The following ATRNL1 variants were observed in gnomAD, a reference collection of about 807,000 sequenced individuals.
The protein encoded by ATRNL1 is attractin-like protein 1.
Under a neutral mutation model 182.7 loss-of-function variants are expected in ATRNL1, and 95 were observed. The ratio of observed to expected loss-of-function variants is 0.52; its 90% CI spans 0.44 to 0.62. The LOEUF is 0.62. Among genes scored for constraint, ATRNL1 ranks in the 20% least tolerant of loss-of-function variants. The pLI is 0.00. For missense variants in ATRNL1, 1,471 were observed against 1,679.5 expected, an observed-to-expected ratio of 0.88 and a Z score of 2.17; for synonymous variants, 576 against 568.3, an observed-to-expected ratio of 1.01 and a Z score of -0.19.
intron 26 of ATRNL1, among the ~76,000 whole-genome samples, chr10:115,554,730 T>A (rs1253756879): frequency 6.6e-6 from 1 of 151,594 alleles, no homozygotes; most frequent in Admixed American, 6.6e-5. Flanking sequence ...GGAAGTCAGA[T>A]TAGTAATGGA....
At chr10:115,928,497 T>C (rs1344934093) in intron 28 of ATRNL1, among the ~76,000 whole-genome samples, 1 of 152,062 alleles carries the variant, frequency 6.6e-6, no homozygotes, top group African/African-American at 2.4e-5. Flanking sequence ...TAATTGTCTA[T>C]AGTGAAGCTT....
At chr10:115,164,763 C>A (rs2144037528) in intron 6 of ATRNL1, among the ~76,000 whole-genome samples, 1 of 152,068 alleles carries the variant, frequency 6.6e-6, no homozygotes, top group Non-Finnish European at 1.5e-5. Context: ...AATGTCAGAG[C>A]TATAAAAGTT....
At chr10:115,740,812 A>C (rs1023858885) in intron 27 of ATRNL1, among the ~76,000 whole-genome samples, 3 of 150,400 alleles carry the variant, frequency 2.0e-5, no homozygotes, top group Non-Finnish European at 2.9e-5. Flanking sequence ...GGCCAATCCT[A>C]TCTCTTTAAA....
intron 7 of ATRNL1, 73 bp downstream of exon 7, chr10:115,165,718 A>C: frequency 1.3e-6 from 1 of 741,920 alleles, no homozygotes; most frequent in Admixed American, 2.6e-5. Context: ...AAAATACTAA[A>C]TCTCAGATTT....
At chr10:115,164,154 G>T (rs1846928884) in intron 6 of ATRNL1, among the ~76,000 whole-genome samples, 1 of 152,050 alleles carries the variant, frequency 6.6e-6, no homozygotes, top group African/African-American at 2.4e-5. Flanking sequence ...ATAAGCATTT[G>T]GGATTTATAA....
At chr10:115,303,651 A>G (rs1231745966) in intron 17 of ATRNL1, among the ~76,000 whole-genome samples, 1 of 152,204 alleles carries the variant, frequency 6.6e-6, no homozygotes, top group Non-Finnish European at 1.5e-5. Context: ...CTTCTTCTCA[A>G]CATCTGAGTG....
At chr10:115,096,556 G>T in intron 1 of ATRNL1, 1 of 702,672 alleles carries the variant, frequency 1.4e-6, no homozygotes, top group Middle Eastern at 2.9e-4. Context: ...CTTACAAACA[G>T]ACATTAAAAA....
intron 24 of ATRNL1, among the ~76,000 whole-genome samples, chr10:115,484,119 C>CT (rs5788104): frequency 7.6e-4 from 113 of 148,154 alleles, no homozygotes; most frequent in African/African-American, 2.4e-3. Context: ...TTCTGATTAT[C>CT]TTTTTTTTTT....
intron 27 of ATRNL1, chr10:115,820,613 A>C (rs1283409204): frequency 2.6e-5 from 4 of 152,118 alleles, no homozygotes; most frequent in Admixed American, 2.0e-4. Context: ...GTCAGAGGCA[A>C]AGGGCTCTGG....
chr10:115,854,407 A>G (rs1951130491), intron 28 of ATRNL1, among the ~76,000 whole-genome samples: 1 of 152,256 alleles, frequency 6.6e-6, no homozygotes. Context: ...GGCGATGGCT[A>G]TAGAGCACCT....
intron 27 of ATRNL1, 56 bp downstream of exon 27, chr10:115,727,411 C>T: frequency 1.6e-6 from 2 of 1,280,004 alleles, no homozygotes; most frequent in Admixed American, 1.9e-5. Context: ...TATTATATTG[C>T]TTCTCTAATC....
intron 26 of ATRNL1, among the ~76,000 whole-genome samples, chr10:115,676,325 A>G (rs186613017): frequency 1.6e-4 from 24 of 152,196 alleles, no homozygotes; most frequent in Admixed American, 1.0e-3. Flanking sequence ...TTAACTCATT[A>G]AAGAAAACAG....
intron 17 of ATRNL1, 51 bp downstream of exon 17, chr10:115,302,094 T>G: frequency 7.1e-7 from 1 of 1,410,758 alleles, no homozygotes; most frequent in Non-Finnish European, 9.6e-7. Context: ...GTAAATTTAC[T>G]TTTCTGTGAT....
intron 27 of ATRNL1, among the ~76,000 whole-genome samples, chr10:115,772,544 A>G (rs1949017028): frequency 1.3e-5 from 2 of 151,232 alleles, no homozygotes; most frequent in Non-Finnish European, 2.9e-5. Context: ...ATATATATTC[A>G]ATATTCTGTA....
chr10:115,534,438 T>C (rs1184785010), intron 25 of ATRNL1, among the ~76,000 whole-genome samples: 2 of 152,278 alleles, frequency 1.3e-5, no homozygotes, highest in African/African-American at 4.8e-5. Flanking sequence ...CCTGCCTTTT[T>C]TTGTTTTCCA....
chr10:115,127,533 A>G (rs929800910), intron 3 of ATRNL1, 60 bp from the exon 4 acceptor site: 1 of 1,404,624 alleles, frequency 7.1e-7, no homozygotes, highest in Non-Finnish European at 9.7e-7. Flanking sequence ...AGTAAATTTT[A>G]TGTGCTTAAC....
chr10:115,315,828 G>A, intron 18 of ATRNL1, 92 bp downstream of exon 18: 5 of 1,046,284 alleles, frequency 4.8e-6, no homozygotes, highest in South Asian at 3.3e-5. Context: ...TTTAGCTTTA[G>A]GAAAAAAGCA....
At chr10:115,630,841 C>CAG (rs1858449685) in intron 26 of ATRNL1, among the ~76,000 whole-genome samples, 2 of 132,654 alleles carry the variant, frequency 1.5e-5, no homozygotes, top group African/African-American at 7.0e-5. Context: ...CACACACACA[C>CAG]ACACACACAC....
intron 26 of ATRNL1, among the ~76,000 whole-genome samples, chr10:115,724,700 A>G (rs782416215): frequency 1.1e-4 from 16 of 152,132 alleles, no homozygotes; most frequent in Non-Finnish European, 2.1e-4. Flanking sequence ...TTTATAGATG[A>G]AAAAAATTGA....
Sources: allele counts gnomAD v4.1 joint callset (sites outside exome capture counted in the v4.1 genomes callset), GRCh38; gene constraint gnomAD v4.1.1; transcripts MANE v1.5; gene names NCBI Gene and HGNC (gene_info 2026-07-23, HGNC 2026-07-21).